KCNK2: variants seen among roughly 807,000 people sequenced by gnomAD.
The protein encoded by KCNK2 is potassium channel subfamily K member 2.
In KCNK2, 21 loss-of-function variants were observed where a neutral mutation model predicts 40.5. That is an observed-to-expected ratio of 0.52 (90% CI 0.37 to 0.75). The LOEUF is 0.75. KCNK2 is among the 30% of genes least tolerant of loss of function. The pLI, the probability that KCNK2 is intolerant of heterozygous loss-of-function variation, is 0.00. For synonymous variants in KCNK2, 191 were observed against 202.2 expected, an observed-to-expected ratio of 0.94 and a Z score of 0.47; for missense variants, 399 against 531.6, an observed-to-expected ratio of 0.75 and a Z score of 2.45.
At chr1:215,103,315 T>A (rs1660301390) in intron 2 of KCNK2, among the ~76,000 whole-genome samples, 1 of 151,954 alleles carries the variant, frequency 6.6e-6, no homozygotes, top group Admixed American at 6.6e-5. Flanking sequence ...GGGCTCTTTG[T>A]GGTAGAGCTC....
At chr1:215,117,889 A>G (rs6696333) in intron 2 of KCNK2, among the ~76,000 whole-genome samples, 116,712 of 151,948 alleles carry the variant, frequency 0.77, 45,128 homozygotes, top group Non-Finnish European at 0.79. Context: ...AACCTAATTT[A>G]ATATGTAAAA....
chr1:215,019,665 A>G (rs1038258513), intron 1 of KCNK2, among the ~76,000 whole-genome samples: 3 of 152,256 alleles, frequency 2.0e-5, no homozygotes, highest in Non-Finnish European at 4.4e-5. Context: ...AGAATAGACA[A>G]CATTCAGAAT....
chr1:215,159,291 C>G (rs1663084157), intron 3 of KCNK2, among the ~76,000 whole-genome samples: 1 of 152,132 alleles, frequency 6.6e-6, no homozygotes, highest in Admixed American at 6.6e-5. Context: ...CATCTTGACT[C>G]TAGGCACCCT....
At chr1:215,149,836 T>A (rs1416237188) in intron 3 of KCNK2, among the ~76,000 whole-genome samples, 1 of 152,202 alleles carries the variant, frequency 6.6e-6, no homozygotes, top group African/African-American at 2.4e-5. Context: ...AGGTCCACAC[T>A]CTGAAACTTT....
intron 1 of KCNK2, among the ~76,000 whole-genome samples, chr1:215,055,490 G>T (rs758153428): frequency 6.6e-6 from 1 of 152,174 alleles, no homozygotes; most frequent in Non-Finnish European, 1.5e-5. Flanking sequence ...AGCTCATGTA[G>T]GTAACAAAGG....
At chr1:215,050,897 T>TG (rs1657963426) in intron 1 of KCNK2, among the ~76,000 whole-genome samples, 1 of 152,126 alleles carries the variant, frequency 6.6e-6, no homozygotes, top group Non-Finnish European at 1.5e-5. Context: ...CATTACACTA[T>TG]GGGGAACTGT....
At chr1:215,039,566 A>C (rs1657495463) in intron 1 of KCNK2, among the ~76,000 whole-genome samples, 1 of 152,188 alleles carries the variant, frequency 6.6e-6, no homozygotes. Context: ...ACTCAATTGA[A>C]ATATAAAGGT....
chr1:215,180,351 A>G (rs1664174405), intron 5 of KCNK2, among the ~76,000 whole-genome samples: 2 of 152,202 alleles, frequency 1.3e-5, no homozygotes, highest in African/African-American at 4.8e-5. Context: ...CATTTAGACC[A>G]TTTACATTCA....
chr1:215,143,939 T>C (rs1408347303), intron 3 of KCNK2, among the ~76,000 whole-genome samples: 2 of 152,174 alleles, frequency 1.3e-5, no homozygotes, highest in Non-Finnish European at 2.9e-5. Context: ...GGAAAATTAC[T>C]GTCTACAAGT....
intron 1 of KCNK2, among the ~76,000 whole-genome samples, chr1:215,014,182 C>T (rs968259997): frequency 6.6e-6 from 1 of 151,906 alleles, no homozygotes; most frequent in South Asian, 2.1e-4. Context: ...GATTTTTCTC[C>T]TATCGTTTGT....
At chr1:215,047,643 C>T (rs1163053329) in intron 1 of KCNK2, among the ~76,000 whole-genome samples, 1 of 152,094 alleles carries the variant, frequency 6.6e-6, no homozygotes, top group African/African-American at 2.4e-5. Flanking sequence ...AGTAGAAAAA[C>T]TTCAAATATC....
At chr1:215,021,264 G>T (rs1656775273) in intron 1 of KCNK2, among the ~76,000 whole-genome samples, 1 of 152,052 alleles carries the variant, frequency 6.6e-6, no homozygotes, top group South Asian at 2.1e-4. Flanking sequence ...ATTTCATCTG[G>T]TTGAAATTCA....
At chr1:215,100,647 T>C (rs1431918704) in intron 2 of KCNK2, among the ~76,000 whole-genome samples, 1 of 152,014 alleles carries the variant, frequency 6.6e-6, no homozygotes, top group Non-Finnish European at 1.5e-5. Context: ...ATGTTCCTAT[T>C]GTACTAGGAG....
chr1:215,130,891 C>CG (rs1661641320), intron 3 of KCNK2, among the ~76,000 whole-genome samples: 1 of 151,734 alleles, frequency 6.6e-6, no homozygotes. Flanking sequence ...GACGGAGTCC[C>CG]GCTCTTTAGC....
intron 3 of KCNK2, among the ~76,000 whole-genome samples, chr1:215,131,023 G>A (rs1366264647): frequency 6.6e-6 from 1 of 151,164 alleles, no homozygotes; most frequent in Non-Finnish European, 1.5e-5. Flanking sequence ...ACTGCGCCCG[G>A]CTAATTTTTT....
At chr1:215,093,416 A>C (rs1371434353) in intron 2 of KCNK2, among the ~76,000 whole-genome samples, 1 of 132,210 alleles carries the variant, frequency 7.6e-6, no homozygotes, top group East Asian at 2.1e-4. Context: ...TATAATATAT[A>C]ATATATATTA....
intron 3 of KCNK2, among the ~76,000 whole-genome samples, chr1:215,161,747 G>A (rs1319489703): frequency 6.6e-6 from 1 of 152,074 alleles, no homozygotes; most frequent in Non-Finnish European, 1.5e-5. Flanking sequence ...CCCTGCAAAG[G>A]ACAAGAACTC....
At chr1:215,086,013 T>C (rs1659416610) in intron 1 of KCNK2, among the ~76,000 whole-genome samples, 1 of 152,208 alleles carries the variant, frequency 6.6e-6, no homozygotes, top group African/African-American at 2.4e-5. Flanking sequence ...CCATCAACTC[T>C]TAGGAGTTCA....
At chr1:215,008,509 G>A (rs191480782) in intron 1 of KCNK2, among the ~76,000 whole-genome samples, 1 of 152,046 alleles carries the variant, frequency 6.6e-6, no homozygotes, top group Non-Finnish European at 1.5e-5. Context: ...GTGACTTTGG[G>A]CAAATTACCT....
Sources: allele counts gnomAD v4.1 joint callset (sites outside exome capture counted in the v4.1 genomes callset), GRCh38; gene constraint gnomAD v4.1.1; transcripts MANE v1.5; gene names NCBI Gene and HGNC (gene_info 2026-07-23, HGNC 2026-07-21).